SNRNP27: variants seen among roughly 807,000 people sequenced by gnomAD.
The protein encoded by SNRNP27 is small nuclear ribonucleoprotein U4/U6.U5 subunit 27, also known as U4/U6.U5 small nuclear ribonucleoprotein 27 kDa protein.
SNRNP27 carries 22 observed loss-of-function variants against 25.1 expected under a neutral mutation model. The ratio of observed to expected loss-of-function variants is 0.88; its 90% CI spans 0.63 to 1.25. The LOEUF (loss-of-function observed/expected upper bound fraction) is 1.25, where lower values mean the gene tolerates loss of function less well. Among genes scored for constraint, SNRNP27 ranks in the 50% most tolerant of loss-of-function variants. SNRNP27 has a pLI of 0.00. For missense variants in SNRNP27, 150 were observed against 202.3 expected, an observed-to-expected ratio of 0.74 and a Z score of 1.57; for synonymous variants, 66 against 64.9, an observed-to-expected ratio of 1.02 and a Z score of -0.08.
In SNRNP27 at chr2:69,894,037, C is replaced by G. The variant is rs765323246; in HGVS notation, c.34+19C>G. 2 of 1,610,024 alleles carry G rather than the reference C, an allele frequency of 1.2e-6. No individual in the cohort carries two copies. The highest frequency in any genetic ancestry group is 8.5e-7 in the Non-Finnish European group (1 of 1,176,510). ...CGGAGGGGTGAGTCCTGTAGCAATT[C>G]GGAGGATATGGGGCTCTGTTGGAGG... is the stretch of plus-strand genomic sequence containing the variant. On this transcript the variant is annotated intron_variant, in intron 1 of 5. Transcript: ENST00000244227.
intron 2 of SNRNP27, among the ~76,000 whole-genome samples, chr2:69,895,542 C>T (rs1676585513): frequency 6.6e-6 from 1 of 150,886 alleles, no homozygotes; most frequent in Non-Finnish European, 1.5e-5. Flanking sequence ...TTTCCTTTTC[C>T]TTTCTTTTCC....
chr2:69,898,487 A>T (rs1676639452), intron 4 of SNRNP27, among the ~76,000 whole-genome samples: 1 of 152,234 alleles, frequency 6.6e-6, no homozygotes, highest in African/African-American at 2.4e-5. Flanking sequence ...CATATTTTTT[A>T]AAATCTCTTT....
In SNRNP27 at chr2:69,893,993, C is replaced by T. The variant is rs1465839193; in HGVS notation, c.9C>T (p.Arg3=). 1 of 1,614,060 alleles carries T rather than the reference C, an allele frequency of 6.2e-7. No homozygotes were observed. The highest frequency in any genetic ancestry group is 2.2e-5 in the East Asian group (1 of 44,872). ...GGGAAGCGGGACTCCAAATGGGTCG[C>T]AGTCGCAGCCGCTCTCCACGGAGGG... MG[R]SRSRSPRRER... The change falls in exon 1 of 6, where the codon CGC becomes CGT. Residue 3 remains arginine (R), a synonymous_variant. Coordinates refer to ENST00000244227, the MANE Select transcript of SNRNP27 (RefSeq NM_006857.3).
At chr2:69,904,207 GA>G in intron 5 of SNRNP27, 46 bp from the exon 6 acceptor site, 1 of 1,287,760 alleles carries the variant, frequency 7.8e-7, no homozygotes, top group Non-Finnish European at 1.1e-6. Context: ...TTTATAAGAG[GA>G]GTATAGGATT....
At chr2:69,899,524 G>A (rs1165223429) in intron 4 of SNRNP27, among the ~76,000 whole-genome samples, 1 of 152,076 alleles carries the variant, frequency 6.6e-6, no homozygotes, top group Non-Finnish European at 1.5e-5. Context: ...CCGCCTCCTG[G>A]GTTCAACCGA....
intron 2 of SNRNP27, 108 bp downstream of exon 2, chr2:69,895,322 T>A (rs1409018604): frequency 5.1e-6 from 7 of 1,369,744 alleles, no homozygotes; most frequent in Non-Finnish European, 6.9e-6. Flanking sequence ...TACGGTTTCC[T>A]GAAATGGAGG....
intron 4 of SNRNP27, among the ~76,000 whole-genome samples, chr2:69,901,476 C>G (rs1185960116): frequency 6.6e-6 from 1 of 152,166 alleles, no homozygotes; most frequent in Non-Finnish European, 1.5e-5. Flanking sequence ...TAACACATAA[C>G]AACCTAGCAT....
chr2:69,903,419 A>T (rs1434571448), intron 5 of SNRNP27, 174 bp downstream of exon 5: 12 of 595,136 alleles, frequency 2.0e-5, no homozygotes, highest in Non-Finnish European at 3.0e-5. Flanking sequence ...TCCCATTTAC[A>T]TGTAAGCTAA....
At chr2:69,897,928 T>TTTTGCAAATGGAAATAGA (rs1676632919) in intron 4 of SNRNP27, among the ~76,000 whole-genome samples, 2,603 of 42,318 alleles carry the variant, frequency 0.062, 337 homozygotes, top group African/African-American at 0.19. Flanking sequence ...GAGGAAGTAG[T>TTTTGCAAATGGAAATAGA]GATTTTTAAA....
Position 69,905,188 on chromosome 2 carries a change from T to C in SNRNP27, c.*880T>C, listed in dbSNP as rs893340220. The C allele has an allele frequency of 1.3e-5, 2 of 152,194 alleles. No homozygotes were observed. The highest frequency in any genetic ancestry group is 2.9e-5 in the Non-Finnish European group (2 of 68,014). The allele number at this position is 152,194 out of a possible 1,614,324, so 9.4% of individuals were successfully genotyped here. ...TAAACATTGGCTTGCCTCCCATGAC[T>C]TGCCATTATAATTAAAACTGTGACT... On this transcript the variant is annotated 3_prime_UTR_variant, in exon 6 of 6. Coordinates refer to ENST00000244227, the MANE Select transcript of SNRNP27 (RefSeq NM_006857.3).
intron 1 of SNRNP27, 109 bp from the exon 2 acceptor site, chr2:69,894,980 TTTTTA>T: frequency 6.9e-7 from 1 of 1,453,174 alleles, no homozygotes; most frequent in Non-Finnish European, 9.3e-7. Flanking sequence ...TCCCAGCCTC[TTTTTA>T]CCTTTTTAAT....
intron 4 of SNRNP27, among the ~76,000 whole-genome samples, chr2:69,900,603 G>A (rs1676676383): frequency 6.6e-6 from 1 of 152,200 alleles, no homozygotes; most frequent in Admixed American, 6.5e-5. Context: ...GTCAGAATCG[G>A]TCTTTGCCCT....
At chr2:69,902,938 C>CTT (rs761833954) in intron 4 of SNRNP27, among the ~76,000 whole-genome samples, 20,123 of 92,292 alleles carry the variant, frequency 0.22, 2,962 homozygotes, top group African/African-American at 0.35. Context: ...TCTTCTTCTT[C>CTT]TTTTTTTTTT....
In SNRNP27 at chr2:69,897,454, A is replaced by C; in HGVS notation, c.346A>C (p.Lys116Gln). Residue 116 changes from lysine to glutamine, a missense_variant and splice_region_variant, in exon 4 of 6, where the codon AAA becomes CAA. By Grantham distance (53) the Lys-to-Gln change is moderately conservative (BLOSUM62 1). Transcript: ENST00000244227. ...GGGATTTGCCTCCTTTGACTCCACA[A>C]AAGTAAGTAAAACGTGCAACATTCT... is the stretch of plus-strand genomic sequence containing the variant. ...LMGFASFDST[K>Q]GKKVDGSVNA... The C allele has an allele frequency of 1.2e-6, 2 of 1,605,484 alleles. No homozygotes were observed. The highest frequency in any genetic ancestry group is 2.7e-5 in the African/African-American group (2 of 74,892).
intron 5 of SNRNP27, among the ~76,000 whole-genome samples, chr2:69,903,875 A>G (rs1430208555): frequency 2.0e-5 from 3 of 152,140 alleles, no homozygotes; most frequent in Non-Finnish European, 2.9e-5. Context: ...GGGGAGAATC[A>G]TTACAGTGTG....
chr2:69,897,120 C>T (rs1676617156), intron 3 of SNRNP27, among the ~76,000 whole-genome samples: 1 of 134,230 alleles, frequency 7.4e-6, no homozygotes, highest in African/African-American at 3.2e-5. Context: ...AAAGGTAGTC[C>T]TTAATATGAA....
At chr2:69,902,286 CTCCT>C (rs1676714374) in intron 4 of SNRNP27, among the ~76,000 whole-genome samples, 1 of 150,268 alleles carries the variant, frequency 6.7e-6, no homozygotes, top group African/African-American at 2.5e-5. Flanking sequence ...CTCCTCCTTC[CTCCT>C]TCCTCCTCCT....
chr2:69,901,122 C>T (rs1389883743), intron 4 of SNRNP27, among the ~76,000 whole-genome samples: 3 of 150,262 alleles, frequency 2.0e-5, no homozygotes, highest in African/African-American at 4.9e-5. Flanking sequence ...TGCAGTGAGC[C>T]GAGATTGCGC....
chr2:69,903,088 G>C lies in SNRNP27; in HGVS notation c.349-93G>C. The C allele has an allele frequency of 3.0e-6, 3 of 1,001,098 alleles. No individual in the cohort carries two copies. In the South Asian group the frequency reaches 3.9e-5, roughly 13 times the overall value. 62.0% of individuals were successfully genotyped at this position (1,001,098 alleles called of 1,614,324 possible). On this transcript the variant is annotated intron_variant, in intron 4 of 5. Transcript: ENST00000244227. ...CTTCCGCCAAGTAGCTGGGAGTACA[G>C]GTACATGCCACTGCCACCACACCTG...
Sources: allele counts gnomAD v4.1 joint callset (sites outside exome capture counted in the v4.1 genomes callset), GRCh38; gene constraint gnomAD v4.1.1; transcripts MANE v1.5; gene names NCBI Gene and HGNC (gene_info 2026-07-23, HGNC 2026-07-21).